Variants in MPHOSPH9 observed in about 807,000 individuals in gnomAD.
MPHOSPH9 encodes the protein M-phase phosphoprotein 9.
MPHOSPH9 carries 88 observed loss-of-function variants against 145.5 expected under a neutral mutation model. That is an observed-to-expected ratio of 0.60 (90% CI 0.51 to 0.72). The LOEUF (loss-of-function observed/expected upper bound fraction) is 0.72. Among genes scored for constraint, MPHOSPH9 ranks in the 30% least tolerant of loss-of-function variants. The pLI is 0.00. For missense variants in MPHOSPH9, 1,238 were observed against 1,386.6 expected, an observed-to-expected ratio of 0.89 and a Z score of 1.70; for synonymous variants, 435 against 486.2, an observed-to-expected ratio of 0.89 and a Z score of 1.39.
chr12:123,237,721 A>T (rs1383131005), upstream of MPHOSPH9, among the ~76,000 whole-genome samples: 1 of 152,186 alleles, frequency 6.6e-6, no homozygotes, highest in Admixed American at 6.6e-5. Flanking sequence ...CCCCAAGTCT[A>T]GGAAATGGCA....
chr12:123,176,797 A>G lies in MPHOSPH9; in HGVS notation c.2355-8T>C. The stretch of plus-strand genomic sequence containing the variant: ...TCAAGTTTTGAAATCATTCTAATTC[A>G]AAAGCAATAAAGATAAATTAAGTAC... On this transcript the variant is annotated splice_polypyrimidine_tract_variant and splice_region_variant and intron_variant, in intron 15 of 23. Coordinates refer to ENST00000606320, the MANE Select transcript of MPHOSPH9 (RefSeq NM_022782.4). The G allele has an allele frequency of 6.3e-7, 1 of 1,582,916 alleles. No homozygotes were observed. The highest frequency in any genetic ancestry group is 8.7e-7 in the Non-Finnish European group (1 of 1,152,364).
rs1377743737 is a variant in MPHOSPH9 at position 123,227,501 on chromosome 12, T to C, written c.220A>G (p.Ser74Gly). 3 of 1,521,984 alleles carry C rather than the reference T, an allele frequency of 2.0e-6. No individual in the cohort carries two copies. The highest frequency in any genetic ancestry group is 1.2e-5 in the South Asian group (1 of 81,606). The allele number at this position is 1,521,984 out of a possible 1,614,324, so 94.3% of individuals were successfully genotyped here. ...LTSLMQELQN[S>G]GKTDSELWKN... ...CAAAGTTCCGAATCAGTCTTTCCACTGTTTTGTAGCTCTTGCATTAAAGAA... is the reference window on the plus strand; with the variant it reads ...CAAAGTTCCGAATCAGTCTTTCCACCGTTTTGTAGCTCTTGCATTAAAGAA... Residue 74 changes from serine (S) to glycine (G), a missense_variant, in exon 3 of 24, where the codon AGT (serine) becomes GGT (glycine). By Grantham distance (56) the Ser-to-Gly change is moderately conservative. This residue lies in a region of MPHOSPH9 where 837 missense variants were observed against 897.5 expected (regional missense o/e 0.93). Coordinates refer to ENST00000606320, the MANE Select transcript of MPHOSPH9 (RefSeq NM_022782.4).
chr12:123,241,800 A>G (rs1042000834), intron 1 of MPHOSPH9, among the ~76,000 whole-genome samples: 16 of 152,208 alleles, frequency 1.1e-4, no homozygotes, highest in African/African-American at 3.6e-4. Context: ...TGAACATGCC[A>G]TCCCTGCAGA....
At chr12:123,235,464 A>C (rs550620075), upstream of MPHOSPH9, among the ~76,000 whole-genome samples, 1 of 151,666 alleles carries the variant, frequency 6.6e-6, no homozygotes, top group South Asian at 2.1e-4. Context: ...CCCCAGGTTC[A>C]CGCCATTCTC....
Position 123,202,808 on chromosome 12 carries a change from T to C in MPHOSPH9, c.1597A>G (p.Ser533Gly). The change falls in exon 10 of 24, where the codon AGT becomes GGT. Residue 533 changes from serine to glycine, a missense_variant. Ser to Gly is a moderately conservative substitution (Grantham distance 56). Transcript: ENST00000606320. ...GTATATACTGACGGAAACGTGGAACTGGTCCTACTTTCGTTTTGGAATGTC... is the reference window on the plus strand; with the variant it reads ...GTATATACTGACGGAAACGTGGAACCGGTCCTACTTTCGTTTTGGAATGTC... ...NQTFQNESRT[S>G]STFPSVYTIT... The C allele has an allele frequency of 6.2e-7, 1 of 1,614,234 alleles. No individual in the cohort carries two copies. Among genetic ancestry groups the C allele is most frequent in the Non-Finnish European group, 8.5e-7 (1 of 1,180,046 alleles).
chr12:123,199,177 G>A (rs1459226189), intron 11 of MPHOSPH9, among the ~76,000 whole-genome samples: 3 of 151,872 alleles, frequency 2.0e-5, no homozygotes, highest in African/African-American at 7.3e-5. Flanking sequence ...TGTAGAGATG[G>A]GATCTCACTT....
chr12:123,202,047 C>G (rs2046244542), intron 11 of MPHOSPH9, 117 bp downstream of exon 11: 3 of 1,117,224 alleles, frequency 2.7e-6, no homozygotes, highest in Non-Finnish European at 2.5e-6. Context: ...CTTAGGCAAA[C>G]ATGACTGTTA....
Position 123,197,042 on chromosome 12 carries a change from T to TG in MPHOSPH9, c.2025+1204_2025+1205insC, listed in dbSNP as rs986835904. Reference sequence around the variant, plus strand: ...GTTAAGGGGTGTGGGTTTTTTTTTTTTTTTTTTTTTTTTTTTTGAGGAAAA... The same window carrying TG: ...GTTAAGGGGTGTGGGTTTTTTTTTTTGTTTTTTTTTTTTTTTTTGAGGAAAA... On this transcript the variant is annotated intron_variant, in intron 12 of 23. Coordinates refer to ENST00000606320, the MANE Select transcript of MPHOSPH9 (RefSeq NM_022782.4). Among the ~76,000 whole-genome samples the TG allele has an allele frequency of 3.4e-5, 5 of 146,266 alleles. No individual in the cohort carries two copies. The South Asian group carries it at 8.8e-4, about 26-fold the overall frequency.
intron 13 of MPHOSPH9, among the ~76,000 whole-genome samples, chr12:123,183,954 A>C (rs11057185): frequency 0.025 from 3,733 of 152,272 alleles, 156 homozygotes; most frequent in African/African-American, 0.084. Context: ...TCACACCTAT[A>C]ATCATAGCAC....
intron 23 of MPHOSPH9, 138 bp downstream of exon 23, chr12:123,160,643 C>T (rs948666934): frequency 2.8e-5 from 19 of 683,064 alleles, no homozygotes; most frequent in Non-Finnish European, 4.2e-5. Context: ...AAACACTTCC[C>T]GTAAAAGCTA....
intron 6 of MPHOSPH9, among the ~76,000 whole-genome samples, chr12:123,218,068 A>G (rs1030957395): frequency 5.4e-5 from 8 of 148,922 alleles, no homozygotes; most frequent in Admixed American, 1.3e-4. Flanking sequence ...AAAATTGGCC[A>G]GGCATGGTGG....
chr12:123,169,175 CTG>C (rs1372688224), intron 16 of MPHOSPH9, among the ~76,000 whole-genome samples: 2 of 151,644 alleles, frequency 1.3e-5, no homozygotes, highest in Admixed American at 6.6e-5. Context: ...GCGTGAGCCA[CTG>C]CGCCCGGCCC....
At chr12:123,189,642 GA>G (rs2045589039) in intron 13 of MPHOSPH9, among the ~76,000 whole-genome samples, 1 of 152,096 alleles carries the variant, frequency 6.6e-6, no homozygotes, top group Non-Finnish European at 1.5e-5. Context: ...TAACATTAAA[GA>G]CAGTATTAAG....
intron 13 of MPHOSPH9, among the ~76,000 whole-genome samples, chr12:123,192,925 A>C (rs2045754879): frequency 6.6e-6 from 1 of 151,426 alleles, no homozygotes; most frequent in South Asian, 2.1e-4. Context: ...TAAAAATACA[A>C]AAATTAGCTG....
chr12:123,166,778 G>A lies in MPHOSPH9; in HGVS notation c.2468C>T (p.Thr823Ile), dbSNP rs774551666. Residue 823 changes from threonine (T) to isoleucine (I), a missense_variant, in exon 17 of 24, where the codon ACT (threonine) becomes ATT (isoleucine). By Grantham distance (89) the Thr-to-Ile change is moderately conservative (BLOSUM62 -1). Around this residue, in one of 3 missense-constraint regions of MPHOSPH9, gnomAD observed 393 missense variants for 462.5 expected, o/e 0.85. Transcript: ENST00000606320. ...CCATTTCCGCCTGCTGACGTCTGAA[G>A]TTGCTAGTGTGCTATTAGAATGAAA... ...VRPSRANTLATSDVSRRKWLI... is the reference protein window; with the variant it reads ...VRPSRANTLAISDVSRRKWLI... The A allele has an allele frequency of 9.3e-6, 15 of 1,613,068 alleles. No homozygotes were observed. The highest frequency in any genetic ancestry group is 1.2e-5 in the Non-Finnish European group (14 of 1,179,786).
At chr12:123,227,319 C>T in intron 3 of MPHOSPH9, 144 bp downstream of exon 3, 1 of 550,878 alleles carries the variant, frequency 1.8e-6, no homozygotes, top group Non-Finnish European at 2.9e-6. Context: ...ATATCATTCC[C>T]AAATTAATAT....
At chr12:123,158,446 A>AG (rs2043962012) in intron 23 of MPHOSPH9, among the ~76,000 whole-genome samples, 1 of 152,180 alleles carries the variant, frequency 6.6e-6, no homozygotes, top group Non-Finnish European at 1.5e-5. Flanking sequence ...CTACAAAAAA[A>AG]TTTTAAAAAT....
chr12:123,204,384 T>A (rs1012657129), intron 8 of MPHOSPH9, among the ~76,000 whole-genome samples: 1 of 151,960 alleles, frequency 6.6e-6, no homozygotes, highest in African/African-American at 2.4e-5. Context: ...TAATTTCATA[T>A]GGCTGAAGAA....
intron 15 of MPHOSPH9, among the ~76,000 whole-genome samples, chr12:123,178,137 G>A (rs573748511): frequency 6.6e-6 from 1 of 152,178 alleles, no homozygotes; most frequent in African/African-American, 2.4e-5. Flanking sequence ...AAACCCCTGT[G>A]CTTAAGAGAT....
Sources: gnomAD v4.1 joint callset for allele counts (sites outside exome capture counted in the v4.1 genomes callset) on GRCh38, gnomAD v4.1.1 for gene constraint, gnomAD v4.1.1 regional missense constraint, MANE v1.5 for transcripts, NCBI Gene and HGNC (gene_info 2026-07-23, HGNC 2026-07-21) for gene names.